Variants in RABGAP1L observed in about 807,000 individuals in gnomAD.
RABGAP1L encodes the protein RAB GTPase activating protein 1 like.
In RABGAP1L, 63 loss-of-function variants were observed where a neutral mutation model predicts 137.7. The observed-to-expected ratio is 0.46, with a 90% CI of 0.37 to 0.56. The LOEUF (loss-of-function observed/expected upper bound fraction) is 0.56. Ranked by LOEUF, RABGAP1L falls within the 20% of genes least tolerant of loss-of-function variation. The pLI is 0.00. For synonymous variants in RABGAP1L, 431 were observed against 433.7 expected (o/e 0.99, Z 0.08); for missense variants, 1,095 against 1,244.0 (o/e 0.88, Z 1.80).
In RABGAP1L at chr1:174,893,442, A is replaced by T. The variant is rs370631226; in HGVS notation, c.2341-64015A>T. On this transcript the variant is annotated intron_variant, in intron 19 of 25. Transcript: ENST00000681986. ...AGAAAATACAAAGTGGTTTCCAAAGACAATCACTTGTTAAGAGATTCTTGT... is the reference window on the plus strand; with the variant it reads ...AGAAAATACAAAGTGGTTTCCAAAGTCAATCACTTGTTAAGAGATTCTTGT... Among the ~76,000 whole-genome samples, 7 of 152,240 alleles carry T rather than the reference A, an allele frequency of 4.6e-5. No individual in the cohort carries two copies. The East Asian group carries it at 7.7e-4, about 17-fold the overall frequency.
chr1:174,247,546 C>T (rs1489343343), intron 5 of RABGAP1L, among the ~76,000 whole-genome samples: 1 of 152,212 alleles, frequency 6.6e-6, no homozygotes, highest in Non-Finnish European at 1.5e-5. Flanking sequence ...CTATAATATA[C>T]AAATGGTAGC....
intron 7 of RABGAP1L, among the ~76,000 whole-genome samples, chr1:174,258,829 G>A (rs188968992): frequency 6.6e-6 from 1 of 152,030 alleles, no homozygotes; most frequent in Admixed American, 6.5e-5. Flanking sequence ...CCAGACTGGA[G>A]TGCAGTGATG....
At chr1:174,620,693 A>C (rs1273526397) in intron 13 of RABGAP1L, among the ~76,000 whole-genome samples, 2 of 152,214 alleles carry the variant, frequency 1.3e-5, no homozygotes, top group Non-Finnish European at 2.9e-5. Context: ...GAAAGATCTA[A>C]AATTGACACC....
At chr1:174,807,948 AAACAACAAC>A (rs10645289) in intron 18 of RABGAP1L, among the ~76,000 whole-genome samples, 12 of 141,060 alleles carry the variant, frequency 8.5e-5, no homozygotes, top group Non-Finnish European at 1.5e-4. Flanking sequence ...AAACAAAACA[AAACAACAAC>A]AACAACAACA....
At chr1:174,446,157 G>T (rs763493148) in intron 13 of RABGAP1L, among the ~76,000 whole-genome samples, 18 of 152,184 alleles carry the variant, frequency 1.2e-4, no homozygotes, top group Non-Finnish European at 2.1e-4. Flanking sequence ...AGAATATACT[G>T]ACAGCATCCT....
chr1:174,277,801 G>A (rs1028248528), intron 9 of RABGAP1L, among the ~76,000 whole-genome samples: 1 of 151,956 alleles, frequency 6.6e-6, no homozygotes, highest in African/African-American at 2.4e-5. Context: ...CTTTCTCTAA[G>A]GTCCTCCAGG....
At chr1:174,388,370 A>G (rs934021388) in intron 12 of RABGAP1L, among the ~76,000 whole-genome samples, 6 of 152,042 alleles carry the variant, frequency 3.9e-5, no homozygotes, top group African/African-American at 1.4e-4. Flanking sequence ...TAAAAATAAT[A>G]TAGAAAACTA....
At chr1:174,546,716 A>G (rs1342984215) in intron 13 of RABGAP1L, among the ~76,000 whole-genome samples, 1 of 152,226 alleles carries the variant, frequency 6.6e-6, no homozygotes, top group Non-Finnish European at 1.5e-5. Flanking sequence ...TGTTTTTAGT[A>G]AATTGCATCC....
intron 13 of RABGAP1L, among the ~76,000 whole-genome samples, chr1:174,463,650 T>G (rs1656966930): frequency 6.6e-6 from 1 of 151,822 alleles, no homozygotes; most frequent in South Asian, 2.1e-4. Flanking sequence ...ACCCTAAAAC[T>G]TAAAGTATAA....
At chr1:174,547,520 G>C (rs1338807852) in intron 13 of RABGAP1L, among the ~76,000 whole-genome samples, 1 of 152,150 alleles carries the variant, frequency 6.6e-6, no homozygotes, top group African/African-American at 2.4e-5. Flanking sequence ...AGGTGGCTGA[G>C]GTGGGAAAAT....
intron 13 of RABGAP1L, among the ~76,000 whole-genome samples, chr1:174,442,824 A>G (rs551469792): frequency 6.6e-6 from 1 of 152,218 alleles, no homozygotes; most frequent in African/African-American, 2.4e-5. Context: ...TATTCCTTCT[A>G]TTTGACTGCA....
intron 19 of RABGAP1L, among the ~76,000 whole-genome samples, chr1:174,819,995 T>C (rs963144644): frequency 6.6e-6 from 1 of 152,128 alleles, no homozygotes; most frequent in African/African-American, 2.4e-5. Flanking sequence ...TTCTATTGTT[T>C]CTGTTAAACA....
chr1:174,397,189 A>G (rs1350311278), intron 13 of RABGAP1L, among the ~76,000 whole-genome samples: 2 of 152,302 alleles, frequency 1.3e-5, no homozygotes, highest in Middle Eastern at 3.4e-3. Flanking sequence ...TTCATTGAAT[A>G]AAATATATGG....
At chr1:174,370,758 T>C (rs1571457221) in intron 11 of RABGAP1L, among the ~76,000 whole-genome samples, 1 of 151,898 alleles carries the variant, frequency 6.6e-6, no homozygotes, top group Non-Finnish European at 1.5e-5. Context: ...TTTCATGTTA[T>C]GTAAACTGTA....
chr1:174,659,559 T>G (rs1286654842), intron 14 of RABGAP1L, among the ~76,000 whole-genome samples: 1 of 152,222 alleles, frequency 6.6e-6, no homozygotes, highest in Non-Finnish European at 1.5e-5. Context: ...CTTCTTCATT[T>G]CAGTCTTTGG....
intron 19 of RABGAP1L, among the ~76,000 whole-genome samples, chr1:174,868,150 G>A (rs1464927335): frequency 2.6e-5 from 4 of 151,404 alleles, no homozygotes; most frequent in Non-Finnish European, 1.5e-5. Flanking sequence ...TTAGAGATGA[G>A]GTTTCACCAT....
intron 13 of RABGAP1L, among the ~76,000 whole-genome samples, chr1:174,472,098 A>G (rs1658007588): frequency 6.6e-6 from 1 of 152,196 alleles, no homozygotes; most frequent in Non-Finnish European, 1.5e-5. Context: ...CAGCACCTTG[A>G]TCTTGGACTT....
intron 21 of RABGAP1L, among the ~76,000 whole-genome samples, chr1:174,970,760 T>A (rs1294340965): frequency 6.6e-6 from 1 of 151,942 alleles, no homozygotes; most frequent in African/African-American, 2.4e-5. Context: ...TTAAAAAAAA[T>A]GTATATACAA....
At chr1:174,201,185 G>A (rs1282659997) in intron 1 of RABGAP1L, among the ~76,000 whole-genome samples, 1 of 151,936 alleles carries the variant, frequency 6.6e-6, no homozygotes, top group Non-Finnish European at 1.5e-5. Context: ...TGAACTCTTG[G>A]CCTCAAGCAG....
Sources: allele counts gnomAD v4.1 joint callset (sites outside exome capture counted in the v4.1 genomes callset), GRCh38; gene constraint gnomAD v4.1.1; transcripts MANE v1.5; gene names NCBI Gene and HGNC (gene_info 2026-07-23, HGNC 2026-07-21).